The following SLC24A3 variants were observed in gnomAD, a reference collection of about 807,000 sequenced individuals.
SLC24A3 encodes the protein sodium/potassium/calcium exchanger 3.
A neutral mutation model predicts 75.8 loss-of-function variants in SLC24A3; 28 were observed. The observed-to-expected ratio is 0.37, with a 90% CI of 0.27 to 0.51. SLC24A3 has a LOEUF of 0.51. Ranked by LOEUF, SLC24A3 falls within the 20% of genes least tolerant of loss-of-function variation. The probability of loss-of-function intolerance (pLI) is 0.94; values close to 1 mark genes in which losing one functional copy is unlikely to be tolerated. For missense variants in SLC24A3, 663 were observed against 847.8 expected (o/e 0.78, Z 2.71); for synonymous variants, 372 against 334.1 (o/e 1.11, Z -1.24).
chr20:19,430,820 G>A (rs749933589), intron 2 of SLC24A3, among the ~76,000 whole-genome samples: 6 of 151,764 alleles, frequency 4.0e-5, no homozygotes, highest in East Asian at 1.9e-4. Context: ...ACACATGCAC[G>A]TGCACACACA....
At chr20:19,674,414 G>C (rs1253874934) in intron 9 of SLC24A3, among the ~76,000 whole-genome samples, 2 of 152,230 alleles carry the variant, frequency 1.3e-5, no homozygotes, top group Non-Finnish European at 2.9e-5. Context: ...TACTGGACTG[G>C]TGTGGGAGAA....
chr20:19,293,984 C>T (rs556737733), intron 2 of SLC24A3, among the ~76,000 whole-genome samples: 62 of 152,244 alleles, frequency 4.1e-4, no homozygotes, highest in South Asian at 8.3e-4. Flanking sequence ...AATGGCATAG[C>T]ATTTGCATAT....
intron 16 of SLC24A3, among the ~76,000 whole-genome samples, chr20:19,720,590 C>T (rs368117909): frequency 1.2e-4 from 18 of 152,118 alleles, no homozygotes; most frequent in South Asian, 6.3e-4. Context: ...GAGATGCAGC[C>T]GCCACCGCCT....
chr20:19,651,525 T>C (rs1472987574), intron 6 of SLC24A3, among the ~76,000 whole-genome samples: 5 of 151,906 alleles, frequency 3.3e-5, no homozygotes, highest in African/African-American at 7.3e-5. Flanking sequence ...TTGTTTATTG[T>C]GCACTCAATG....
Position 19,541,308 on chromosome 20 carries a change from A to C in SLC24A3, c.348+25744A>C, listed in dbSNP as rs138119477. Reference sequence around the variant, plus strand: ...TGGAAGATGTTGGAGCTATCCTAACACTCCTCCATCCCCATTCACTGTTAT... The same window carrying C: ...TGGAAGATGTTGGAGCTATCCTAACCCTCCTCCATCCCCATTCACTGTTAT... On this transcript the variant is annotated intron_variant, in intron 3 of 16. Transcript: ENST00000328041. 6.6e-4 allele frequency among the ~76,000 whole-genome samples: 101 copies of C among 151,968 alleles called. 2 individuals carry two copies. In the East Asian group the frequency reaches 0.017, roughly 26 times the overall value.
At chr20:19,235,807 G>A (rs1279522094) in intron 1 of SLC24A3, among the ~76,000 whole-genome samples, 2 of 152,174 alleles carry the variant, frequency 1.3e-5, no homozygotes, top group South Asian at 2.1e-4. Flanking sequence ...CCTACAAGGT[G>A]CAACTGAGCC....
At chr20:19,346,081 A>ATGGTG (rs1156943033) in intron 2 of SLC24A3, among the ~76,000 whole-genome samples, 2 of 66,142 alleles carry the variant, frequency 3.0e-5, no homozygotes, top group Admixed American at 1.7e-4. Context: ...ATATATATAT[A>ATGGTG]TATATATATA....
chr20:19,316,342 A>G (rs1984585301), intron 2 of SLC24A3, among the ~76,000 whole-genome samples: 1 of 152,186 alleles, frequency 6.6e-6, no homozygotes, highest in African/African-American at 2.4e-5. Context: ...AGGGTGAAAT[A>G]AAGGCTTACC....
chr20:19,568,612 T>C (rs2030999632), intron 3 of SLC24A3, among the ~76,000 whole-genome samples: 4 of 151,974 alleles, frequency 2.6e-5, no homozygotes, highest in African/African-American at 9.7e-5. Context: ...GAAGGGAAAA[T>C]GGGGAGTTAT....
intron 2 of SLC24A3, among the ~76,000 whole-genome samples, chr20:19,396,290 A>G (rs1986452399): frequency 6.6e-6 from 1 of 152,242 alleles, no homozygotes; most frequent in Non-Finnish European, 1.5e-5. Flanking sequence ...AAAGCAAGAC[A>G]TAATAAACTT....
chr20:19,542,601 G>T (rs1409389603), intron 3 of SLC24A3, among the ~76,000 whole-genome samples: 1 of 152,196 alleles, frequency 6.6e-6, no homozygotes, highest in Non-Finnish European at 1.5e-5. Context: ...AAATGAAAGA[G>T]AAATGTTTCA....
At chr20:19,271,576 T>C (rs1031900634) in intron 1 of SLC24A3, among the ~76,000 whole-genome samples, 1 of 152,170 alleles carries the variant, frequency 6.6e-6, no homozygotes, top group African/African-American at 2.4e-5. Flanking sequence ...TGCAAAAATA[T>C]GGAATCAGGC....
chr20:19,689,984 T>C (rs941141759), intron 12 of SLC24A3, among the ~76,000 whole-genome samples: 1 of 130,820 alleles, frequency 7.6e-6, no homozygotes, highest in Non-Finnish European at 1.5e-5. Context: ...TGAGCTGAGA[T>C]TGCACCACTG....
intron 6 of SLC24A3, among the ~76,000 whole-genome samples, chr20:19,603,366 T>C (rs3790273): frequency 0.52 from 79,514 of 152,014 alleles, 22,248 homozygotes; most frequent in Admixed American, 0.62. Flanking sequence ...TTGTGTACCC[T>C]AATTTCTCTC....
intron 2 of SLC24A3, among the ~76,000 whole-genome samples, chr20:19,488,815 A>T (rs1988165650): frequency 6.6e-6 from 1 of 152,210 alleles, no homozygotes; most frequent in Non-Finnish European, 1.5e-5. Context: ...GGGTAATTTT[A>T]TACAATTTCT....
At chr20:19,398,873 A>G (rs1468387823) in intron 2 of SLC24A3, among the ~76,000 whole-genome samples, 2 of 152,130 alleles carry the variant, frequency 1.3e-5, no homozygotes, top group Non-Finnish European at 2.9e-5. Flanking sequence ...TTTGTGTGCA[A>G]TTGGTATTAT....
chr20:19,290,312 C>T (rs2122234573), intron 2 of SLC24A3, among the ~76,000 whole-genome samples: 1 of 152,268 alleles, frequency 6.6e-6, no homozygotes, highest in Admixed American at 6.5e-5. Flanking sequence ...CAGAGGTTTT[C>T]AAGCTTCCAG....
In SLC24A3 at chr20:19,682,101, C is replaced by A. The variant is rs565732624; in HGVS notation, c.901+110C>A. 1.0e-5 allele frequency: 13 copies of A among 1,245,004 alleles called. No homozygotes were observed. The East Asian group carries it at 2.7e-4, about 26-fold the overall frequency. The allele number at this position is 1,245,004 out of a possible 1,614,324, so 77.1% of individuals were successfully genotyped here. ...ATCCCCATCTTTACTAAAAATACAA[C>A]AAAATTAACCAGGAGTGGTGGCCCA... On this transcript the variant is annotated intron_variant, in intron 10 of 16. Coordinates refer to ENST00000328041, the MANE Select transcript of SLC24A3 (RefSeq NM_020689.4).
intron 2 of SLC24A3, among the ~76,000 whole-genome samples, chr20:19,439,544 G>A (rs913318380): frequency 6.6e-6 from 1 of 152,098 alleles, no homozygotes; most frequent in African/African-American, 2.4e-5. Context: ...TACAAATTTT[G>A]TTAGCACATG....
Sources: gnomAD v4.1 joint callset for allele counts (sites outside exome capture counted in the v4.1 genomes callset) on GRCh38, gnomAD v4.1.1 for gene constraint, MANE v1.5 for transcripts, NCBI Gene and HGNC (gene_info 2026-07-23, HGNC 2026-07-21) for gene names.